SH3BP4: variants seen among roughly 807,000 people sequenced by gnomAD.
SH3BP4 encodes the protein SH3 domain binding protein 4, also known as SH3 domain-binding protein 4.
In SH3BP4, 33 loss-of-function variants were observed where a neutral mutation model predicts 65.5. The observed-to-expected ratio is 0.50, with a 90% CI of 0.38 to 0.67. The LOEUF is 0.67. SH3BP4 is among the 30% of genes least tolerant of loss of function. SH3BP4 has a pLI of 0.00. For missense variants in SH3BP4, 1,134 were observed against 1,261.4 expected, an observed-to-expected ratio of 0.90 and a Z score of 1.53; for synonymous variants, 552 against 545.5, an observed-to-expected ratio of 1.01 and a Z score of -0.17.
rs781505089 is a variant in SH3BP4, at chr2:235,042,112, G to A, written c.1343G>A (p.Cys448Tyr). ...GCACAGCTGCACAACCTGGAGCCCTGTATGTACGTGGCTGTCGTGGCCCAT... is the reference window on the plus strand; with the variant it reads ...GCACAGCTGCACAACCTGGAGCCCTATATGTACGTGGCTGTCGTGGCCCAT... ...VQAQLHNLEPCMYVAVVAHGP... is the reference protein window; with the variant it reads ...VQAQLHNLEPYMYVAVVAHGP... The change falls in exon 4 of 6, where the codon TGT (cysteine) becomes TAT (tyrosine). Residue 448 changes from cysteine (C) to tyrosine (Y), a missense_variant. Cys to Tyr is a radical substitution (Grantham distance 194). Coordinates refer to ENST00000392011, the MANE Select transcript of SH3BP4 (RefSeq NM_014521.3). The surrounding 1 kb of genome is among the most constrained non-coding windows in gnomAD (Gnocchi z 7.3). 1.9e-6 allele frequency: 3 copies of A among 1,614,004 alleles called. No individual in the cohort carries two copies. In the South Asian group the frequency reaches 3.3e-5, roughly 18 times the overall value.
Position 235,043,210 on chromosome 2 carries a change from A to G in SH3BP4, c.2441A>G (p.Asn814Ser). The G allele has an allele frequency of 6.3e-7, 1 of 1,592,038 alleles. No individual in the cohort carries two copies. Among genetic ancestry groups the G allele is most frequent in the Non-Finnish European group, 8.6e-7 (1 of 1,165,680 alleles). Residue 814 changes from asparagine (N) to serine (S), a missense_variant, in exon 4 of 6, where the codon AAC becomes AGC. Coordinates refer to ENST00000392011, the MANE Select transcript of SH3BP4 (RefSeq NM_014521.3). Reference sequence around the variant, plus strand: ...AAGGAGGACTGTAACAACACTGAGAACAAAGAACGGAAGTCCTTCCAGAAG... The same window carrying G: ...AAGGAGGACTGTAACAACACTGAGAGCAAAGAACGGAAGTCCTTCCAGAAG... Reference protein sequence around the residue: ...KLKEDCNNTENKERKSFQKEL... With the variant: ...KLKEDCNNTESKERKSFQKEL...
At chr2:235,022,397 A>G (rs1694870465) in intron 2 of SH3BP4, among the ~76,000 whole-genome samples, 1 of 152,074 alleles carries the variant, frequency 6.6e-6, no homozygotes, top group South Asian at 2.1e-4. Flanking sequence ...CTAATAAAAT[A>G]CAAAAATTAG....
At chr2:234,994,269 C>T (rs2106273736) in intron 1 of SH3BP4, among the ~76,000 whole-genome samples, 1 of 152,302 alleles carries the variant, frequency 6.6e-6, no homozygotes, top group Non-Finnish European at 1.5e-5. Flanking sequence ...GGGAATGATT[C>T]TTTCCTTCTT....
chr2:234,966,888 A>G (rs144948188), intron 1 of SH3BP4, among the ~76,000 whole-genome samples: 212 of 152,358 alleles, frequency 1.4e-3, no homozygotes, highest in African/African-American at 4.9e-3. Flanking sequence ...ATTATTCTTG[A>G]TAGTAGAAAT....
rs2106339643 is a variant in SH3BP4, at chr2:235,046,421, A to G, written c.2478+3174A>G. The stretch of plus-strand genomic sequence containing the variant: ...TCATCTCTCCAATTTTTTTTTTTTA[A>G]ATCAGCCAGGTGTGTTGGTGTGCAC... On this transcript the variant is annotated intron_variant, in intron 4 of 5. Coordinates refer to ENST00000392011, the MANE Select transcript of SH3BP4 (RefSeq NM_014521.3). The surrounding 1 kb of genome is among the most constrained non-coding windows in gnomAD (Gnocchi z 4.2). Among the ~76,000 whole-genome samples the G allele has an allele frequency of 6.6e-6, 1 of 151,708 alleles. No homozygotes were observed. Among genetic ancestry groups the G allele is most frequent in the East Asian group, 1.9e-4 (1 of 5,154 alleles).
intron 3 of SH3BP4, among the ~76,000 whole-genome samples, chr2:235,038,341 A>ATAT (rs1559254417): frequency 5.9e-5 from 1 of 17,018 alleles, no homozygotes; most frequent in Non-Finnish European, 9.9e-5. Context: ...TATATATAGT[A>ATAT]TATATATTTT....
At chr2:234,972,114 CTTTTTTTTTTTTGTTTTTTG>C (rs1364507484) in intron 1 of SH3BP4, among the ~76,000 whole-genome samples, 147 of 137,790 alleles carry the variant, frequency 1.1e-3, no homozygotes, top group African/African-American at 3.9e-3. Context: ...CGTGCCCGGC[CTTTTTTTTTTTTGTTTTTTG>C]TTTTTTTTTT....
At chr2:234,975,615 T>A (rs1021763827) in intron 1 of SH3BP4, among the ~76,000 whole-genome samples, 7 of 152,200 alleles carry the variant, frequency 4.6e-5, no homozygotes, top group African/African-American at 1.7e-4. Flanking sequence ...GTGGTTCATG[T>A]CTGTAATCCC....
At chr2:234,963,636 G>A (rs1361540544) in intron 1 of SH3BP4, among the ~76,000 whole-genome samples, 1 of 152,218 alleles carries the variant, frequency 6.6e-6, no homozygotes, top group African/African-American at 2.4e-5. Flanking sequence ...TAACATCTGG[G>A]AGTAACTGTA....
rs750013467 is a variant in SH3BP4 at position 235,040,926 on chromosome 2, C to A, written c.157C>A (p.Pro53Thr). 1 of 1,614,032 alleles carries A rather than the reference C, an allele frequency of 6.2e-7. No individual in the cohort carries two copies. Among genetic ancestry groups the A allele is most frequent in the Non-Finnish European group, 8.5e-7 (1 of 1,179,904 alleles). The change falls in exon 4 of 6, where the codon CCT becomes ACT. Residue 53 changes from proline to threonine, a missense_variant. By Grantham distance (38) the Pro-to-Thr change is conservative. Coordinates refer to ENST00000392011, the MANE Select transcript of SH3BP4 (RefSeq NM_014521.3). Reference sequence around the variant, plus strand: ...TGCCTTGCTCGTAGACAACCCCACACCTTTCGGAAATGCAAAGGAAGTGAT... The same window carrying A: ...TGCCTTGCTCGTAGACAACCCCACAACTTTCGGAAATGCAAAGGAAGTGAT... ...PSALLVDNPT[P>T]FGNAKEVIAI...
intron 2 of SH3BP4, among the ~76,000 whole-genome samples, chr2:235,001,355 T>C (rs988004534): frequency 6.6e-6 from 1 of 152,136 alleles, no homozygotes; most frequent in African/African-American, 2.4e-5. Context: ...CAAAAAACGT[T>C]AACAACCTCT....
intron 1 of SH3BP4, among the ~76,000 whole-genome samples, chr2:234,988,607 C>G (rs1693655555): frequency 6.6e-6 from 1 of 152,184 alleles, no homozygotes; most frequent in African/African-American, 2.4e-5. Context: ...CGTCTTCACA[C>G]TCAAAGGCAG....
chr2:234,975,520 A>AT (rs1693143086), intron 1 of SH3BP4, among the ~76,000 whole-genome samples: 1 of 152,206 alleles, frequency 6.6e-6, no homozygotes, highest in Non-Finnish European at 1.5e-5. Flanking sequence ...GCTTCATTTC[A>AT]TATATGGGGA....
intron 2 of SH3BP4, among the ~76,000 whole-genome samples, chr2:235,001,843 G>A (rs1015428484): frequency 6.6e-6 from 1 of 152,116 alleles, no homozygotes; most frequent in African/African-American, 2.4e-5. Flanking sequence ...CTCAAAGGAG[G>A]GTGAGGTGTT....
chr2:234,963,301 A>C (rs546650971), intron 1 of SH3BP4, among the ~76,000 whole-genome samples: 1 of 152,290 alleles, frequency 6.6e-6, no homozygotes, highest in South Asian at 2.1e-4. Context: ...TGAATCTTTT[A>C]CTTTTATTGT....
At chr2:235,040,073 A>G (rs1559255538) in intron 3 of SH3BP4, among the ~76,000 whole-genome samples, 2 of 152,120 alleles carry the variant, frequency 1.3e-5, no homozygotes, top group African/African-American at 2.4e-5. Context: ...CATTTCTACT[A>G]AAAATACAAA....
intron 3 of SH3BP4, among the ~76,000 whole-genome samples, chr2:235,038,249 T>TATATAATATATATTATATATAATATATAG (rs766333800): frequency 8.7e-5 from 3 of 34,418 alleles, no homozygotes; most frequent in Admixed American, 4.9e-4. Flanking sequence ...TATATATATA[T>TATATAATATATATTATATATAATATATAG]TATATATAAT....
At chr2:235,047,489 T>C (rs1341945704) in intron 4 of SH3BP4, among the ~76,000 whole-genome samples, 3 of 152,202 alleles carry the variant, frequency 2.0e-5, no homozygotes, top group Admixed American at 1.3e-4. Context: ...TAGAGGCCTT[T>C]GAAAGGGAAC....
At chr2:235,017,508 C>T (rs1007808565) in intron 2 of SH3BP4, among the ~76,000 whole-genome samples, 4 of 151,754 alleles carry the variant, frequency 2.6e-5, no homozygotes, top group Non-Finnish European at 4.4e-5. Context: ...GGCATTCTGT[C>T]ATCCATAGAT....
Sources: allele counts gnomAD v4.1 joint callset (sites outside exome capture counted in the v4.1 genomes callset), GRCh38; gene constraint gnomAD v4.1.1; non-coding constraint Gnocchi (gnomAD v3.1); transcripts MANE v1.5; gene names NCBI Gene and HGNC (gene_info 2026-07-23, HGNC 2026-07-21).